Variants in CCDC60 observed in about 807,000 individuals in gnomAD.
CCDC60 encodes the protein coiled-coil domain containing 60.
CCDC60 carries 54 observed loss-of-function variants against 63.5 expected under a neutral mutation model. The ratio of observed to expected loss-of-function variants is 0.85; its 90% CI spans 0.68 to 1.07. CCDC60 has a LOEUF of 1.07. Ranked by LOEUF, CCDC60 falls within the 50% of genes least tolerant of loss-of-function variation. The pLI is 0.00. For missense variants in CCDC60, 651 were observed against 684.3 expected, an observed-to-expected ratio of 0.95 and a Z score of 0.54; for synonymous variants, 206 against 238.8, an observed-to-expected ratio of 0.86 and a Z score of 1.27.
intron 1 of CCDC60, among the ~76,000 whole-genome samples, chr12:119,350,532 C>T: frequency 6.6e-6 from 1 of 152,032 alleles, no homozygotes; most frequent in Admixed American, 6.6e-5. Context: ...CATGCCCAGC[C>T]TCTCCTTTGC....
At chr12:119,494,096 G>A (rs1417000498) in intron 5 of CCDC60, among the ~76,000 whole-genome samples, 1 of 152,172 alleles carries the variant, frequency 6.6e-6, no homozygotes, top group East Asian at 1.9e-4. Flanking sequence ...TTTTGGAATT[G>A]GTTAAGTGGT....
chr12:119,526,231 C>A (rs1342185801), intron 11 of CCDC60, among the ~76,000 whole-genome samples: 4 of 152,116 alleles, frequency 2.6e-5, no homozygotes, highest in African/African-American at 9.7e-5. Flanking sequence ...TGAAGCTAGA[C>A]CCCTCCCTTA....
At chr12:119,426,694 A>G (rs943305114) in intron 1 of CCDC60, among the ~76,000 whole-genome samples, 2 of 152,160 alleles carry the variant, frequency 1.3e-5, no homozygotes, top group Non-Finnish European at 2.9e-5. Context: ...AGCTGCAGTT[A>G]CAAATACTTT....
intron 1 of CCDC60, among the ~76,000 whole-genome samples, chr12:119,400,728 A>G (rs375020381): frequency 6.6e-6 from 1 of 152,296 alleles, no homozygotes; most frequent in East Asian, 1.9e-4. Flanking sequence ...TAAGCTCCCA[A>G]ATGATGCTGC....
At chr12:119,372,390 G>A (rs1381854894) in intron 1 of CCDC60, among the ~76,000 whole-genome samples, 2 of 152,186 alleles carry the variant, frequency 1.3e-5, no homozygotes, top group African/African-American at 4.8e-5. Flanking sequence ...CAAAACTGGG[G>A]CATAATGTCA....
intron 1 of CCDC60, among the ~76,000 whole-genome samples, chr12:119,423,230 C>A (rs1224436762): frequency 6.6e-6 from 1 of 152,082 alleles, no homozygotes; most frequent in African/African-American, 2.4e-5. Context: ...GCATTTTAGC[C>A]ATGGAAAACT....
intron 4 of CCDC60, among the ~76,000 whole-genome samples, chr12:119,487,915 C>T (rs761132872): frequency 2.6e-5 from 4 of 152,164 alleles, no homozygotes; most frequent in Non-Finnish European, 5.9e-5. Context: ...GACCTTGGCT[C>T]ACTACAGCCT....
chr12:119,467,722 A>G (rs1950977701), intron 2 of CCDC60, among the ~76,000 whole-genome samples: 1 of 152,256 alleles, frequency 6.6e-6, no homozygotes, highest in South Asian at 2.1e-4. Context: ...AAGTGGCATG[A>G]CAATGAAAAG....
intron 1 of CCDC60, among the ~76,000 whole-genome samples, chr12:119,362,612 A>G (rs1042642654): frequency 2.6e-5 from 4 of 152,102 alleles, no homozygotes; most frequent in Admixed American, 6.5e-5. Flanking sequence ...ATTATTTTTC[A>G]TTGGTAAATA....
At chr12:119,418,847 AAACAGATCT>A (rs1165250359) in intron 1 of CCDC60, among the ~76,000 whole-genome samples, 1 of 152,198 alleles carries the variant, frequency 6.6e-6, no homozygotes, top group African/African-American at 2.4e-5. Flanking sequence ...TGTCCTAGAG[AAACAGATCT>A]TCTGCCTTCT....
intron 6 of CCDC60, among the ~76,000 whole-genome samples, chr12:119,500,859 T>C (rs1199907337): frequency 6.6e-6 from 1 of 152,102 alleles, no homozygotes; most frequent in African/African-American, 2.4e-5. Flanking sequence ...AGATCCTGTC[T>C]CTAAGAAAAA....
intron 1 of CCDC60, among the ~76,000 whole-genome samples, chr12:119,338,785 G>C (rs538162283): frequency 1.5e-3 from 228 of 151,906 alleles, no homozygotes; most frequent in African/African-American, 5.3e-3. Context: ...AATATGAGGA[G>C]TGGCCTCTCC....
intron 1 of CCDC60, among the ~76,000 whole-genome samples, chr12:119,385,426 C>T (rs762842186): frequency 3.0e-4 from 46 of 152,262 alleles, no homozygotes; most frequent in South Asian, 4.2e-4. Flanking sequence ...CAGTTTCCCC[C>T]GTACTGTTAT....
intron 1 of CCDC60, among the ~76,000 whole-genome samples, chr12:119,335,614 T>C (rs1419767576): frequency 6.6e-6 from 1 of 151,718 alleles, no homozygotes. Context: ...GAAGTGTCTG[T>C]TCATGTCCTT....
chr12:119,375,891 T>C (rs929613030), intron 1 of CCDC60, among the ~76,000 whole-genome samples: 1 of 152,186 alleles, frequency 6.6e-6, no homozygotes, highest in African/African-American at 2.4e-5. Context: ...AGCCCCTCCC[T>C]TGAAGCTCTT....
intron 5 of CCDC60, among the ~76,000 whole-genome samples, chr12:119,499,385 A>G (rs1364636303): frequency 6.6e-6 from 1 of 152,226 alleles, no homozygotes; most frequent in Non-Finnish European, 1.5e-5. Context: ...AGGATCCTGG[A>G]AGAGGGACCC....
At chr12:119,458,719 TAG>T (rs1351477776) in intron 2 of CCDC60, among the ~76,000 whole-genome samples, 1 of 151,990 alleles carries the variant, frequency 6.6e-6, no homozygotes, top group Non-Finnish European at 1.5e-5. Flanking sequence ...GAATGTCCAA[TAG>T]AGAGATTTGT....
At chr12:119,414,644 G>C (rs544402127) in intron 1 of CCDC60, among the ~76,000 whole-genome samples, 2 of 152,100 alleles carry the variant, frequency 1.3e-5, no homozygotes, top group Non-Finnish European at 2.9e-5. Context: ...TCAAACTCTC[G>C]AGCTTAAGTG....
At chr12:119,499,330 A>T (rs528431768) in intron 5 of CCDC60, among the ~76,000 whole-genome samples, 1 of 152,224 alleles carries the variant, frequency 6.6e-6, no homozygotes, top group African/African-American at 2.4e-5. Flanking sequence ...GGGAGAGGGC[A>T]TTTTAAGAAA....
Sources: gnomAD v4.1 joint callset for allele counts (sites outside exome capture counted in the v4.1 genomes callset) on GRCh38, gnomAD v4.1.1 for gene constraint, MANE v1.5 for transcripts, NCBI Gene and HGNC (gene_info 2026-07-23, HGNC 2026-07-21) for gene names.